BDNF: variants seen among roughly 807,000 people sequenced by gnomAD.
BDNF encodes neurotrophic factor BDNF precursor form.
A neutral mutation model predicts 19.5 loss-of-function variants in BDNF; 1 was observed. That is an observed-to-expected ratio of 0.05 (90% confidence interval 0.02 to 0.24). The LOEUF is 0.24. Among genes scored for constraint, BDNF ranks in the 10% least tolerant of loss-of-function variants. The pLI is 1.00. For missense variants in BDNF, 195 were observed against 317.6 expected (o/e 0.61, Z 2.93); for synonymous variants, 100 against 121.6 (o/e 0.82, Z 1.17).
chr11:27,666,147 A>G (rs1277105996), intron 1 of BDNF, among the ~76,000 whole-genome samples: 1 of 146,484 alleles, frequency 6.8e-6, no homozygotes, highest in Non-Finnish European at 1.5e-5. Context: ...GGTGATACCC[A>G]AGCAAACAGG....
chr11:27,715,179 C>A (rs373570160), intron 1 of BDNF, among the ~76,000 whole-genome samples: 6 of 152,212 alleles, frequency 3.9e-5, no homozygotes, highest in African/African-American at 1.4e-4. Flanking sequence ...ACCTTTTGGG[C>A]AAAATGGGAA....
chr11:27,719,637 GAA>G, intron 1 of BDNF: 1 of 935,142 alleles, frequency 1.1e-6, no homozygotes, highest in Non-Finnish European at 1.3e-6. Context: ...GGACAGAAGG[GAA>G]AAAAAAAAGA....
chr11:27,720,186 G>A (rs973298869), intron 1 of BDNF, among the ~76,000 whole-genome samples: 3 of 151,852 alleles, frequency 2.0e-5, no homozygotes, highest in Admixed American at 2.0e-4. Context: ...TTGCCCCAGG[G>A]TTCTCACCTA....
chr11:27,709,888 G>C (rs1006170972), intron 1 of BDNF, among the ~76,000 whole-genome samples: 1 of 152,162 alleles, frequency 6.6e-6, no homozygotes, highest in Non-Finnish European at 1.5e-5. Context: ...AATGCATGAA[G>C]GGAATCAGTG....
intron 1 of BDNF, among the ~76,000 whole-genome samples, chr11:27,714,391 A>G (rs972470101): frequency 1.3e-5 from 2 of 152,174 alleles, no homozygotes; most frequent in Admixed American, 6.5e-5. Flanking sequence ...AGGATGTAAT[A>G]TTTTTGATTT....
chr11:27,693,011 C>T (rs1257616420), intron 1 of BDNF, among the ~76,000 whole-genome samples: 2 of 152,194 alleles, frequency 1.3e-5, no homozygotes, highest in African/African-American at 2.4e-5. Flanking sequence ...TTTCTTGTCC[C>T]TAAGTCATGC....
chr11:27,701,952 T>C (rs1859918655), upstream of BDNF, among the ~76,000 whole-genome samples: 3 of 152,136 alleles, frequency 2.0e-5, no homozygotes, highest in South Asian at 6.2e-4. Context: ...ACTGGCTCAG[T>C]TAATCCTCCC....
At chr11:27,702,188 G>T (rs1235715411), upstream of BDNF, among the ~76,000 whole-genome samples, 2 of 152,148 alleles carry the variant, frequency 1.3e-5, no homozygotes, top group Non-Finnish European at 2.9e-5. Context: ...TTAAAATTTA[G>T]AATAAAGAAT....
intron 1 of BDNF, among the ~76,000 whole-genome samples, chr11:27,667,368 A>C (rs556696978): frequency 2.0e-5 from 3 of 152,358 alleles, no homozygotes; most frequent in African/African-American, 7.2e-5. Flanking sequence ...ACTAACGAGC[A>C]AAATAACCAG....
At chr11:27,690,401 G>A (rs1384906462) in intron 1 of BDNF, among the ~76,000 whole-genome samples, 8 of 151,922 alleles carry the variant, frequency 5.3e-5, no homozygotes, top group African/African-American at 1.9e-4. Context: ...GACCTATTCC[G>A]ACTTCCTGAT....
chr11:27,715,858 A>C (rs943760895), intron 1 of BDNF, among the ~76,000 whole-genome samples: 2 of 152,228 alleles, frequency 1.3e-5, no homozygotes, highest in African/African-American at 4.8e-5. Flanking sequence ...AATGAAACCT[A>C]TAGAGAGCTG....
intron 1 of BDNF, among the ~76,000 whole-genome samples, chr11:27,667,364 G>A (rs1854533521): frequency 1.3e-5 from 2 of 152,130 alleles, no homozygotes. Flanking sequence ...ATCAACTAAC[G>A]AGCAAAATAA....
chr11:27,711,955 G>A (rs1252318571), intron 1 of BDNF, among the ~76,000 whole-genome samples: 1 of 152,126 alleles, frequency 6.6e-6, no homozygotes, highest in African/African-American at 2.4e-5. Context: ...GGATTGCTAG[G>A]GTAATGGGGT....
chr11:27,713,575 G>A (rs1263950574), intron 1 of BDNF, among the ~76,000 whole-genome samples: 2 of 152,136 alleles, frequency 1.3e-5, no homozygotes, highest in African/African-American at 4.8e-5. Context: ...TGAAGCGGGA[G>A]GAATCAATTC....
intron 1 of BDNF, among the ~76,000 whole-genome samples, chr11:27,678,262 T>C (rs1164145952): frequency 2.0e-5 from 3 of 152,154 alleles, no homozygotes; most frequent in Admixed American, 6.5e-5. Flanking sequence ...TTGTACATTG[T>C]AAAGGTCAAC....
intron 1 of BDNF, among the ~76,000 whole-genome samples, chr11:27,669,163 A>AT (rs1205072903): frequency 2.0e-5 from 3 of 152,234 alleles, no homozygotes; most frequent in Non-Finnish European, 4.4e-5. Context: ...AAAAACCATG[A>AT]TTATCTCAAT....
In BDNF at chr11:27,711,261, A is replaced by C. The variant is rs1287774232; in HGVS notation, c.3+10151T>G. ...ATTCAATGAACTAAGGAAATGCAGA[A>C]TGCTCACCATAGTGAGCTCAACAAA... On this transcript the variant is annotated intron_variant, in intron 1 of 1. Coordinates refer to the BDNF transcript ENST00000314915. 2.6e-5 allele frequency among the ~76,000 whole-genome samples: 4 copies of C among 152,344 alleles called. No homozygotes were observed. The East Asian group carries it at 7.7e-4, about 29-fold the overall frequency.
intron 1 of BDNF, among the ~76,000 whole-genome samples, chr11:27,686,002 G>A (rs548860519): frequency 6.2e-4 from 94 of 152,304 alleles, no homozygotes; most frequent in African/African-American, 2.1e-3. Flanking sequence ...GGGTGTTAAA[G>A]TCTCACACTA....
intron 1 of BDNF, among the ~76,000 whole-genome samples, chr11:27,669,259 AAAT>A (rs1406377188): frequency 6.6e-6 from 1 of 152,206 alleles, no homozygotes; most frequent in Admixed American, 6.5e-5. Context: ...ACATATCTCA[AAAT>A]AATAAGAGCT....
Sources: allele counts gnomAD v4.1 joint callset (sites outside exome capture counted in the v4.1 genomes callset), GRCh38; gene constraint gnomAD v4.1.1; transcripts MANE v1.5; gene names NCBI Gene and HGNC (gene_info 2026-07-23, HGNC 2026-07-21).